The following KMO variants were observed in gnomAD, a reference collection of about 807,000 sequenced individuals.
The protein encoded by KMO is kynurenine 3-hydroxylase.
A neutral mutation model predicts 57.8 loss-of-function variants in KMO; 24 were observed. The ratio of observed to expected loss-of-function variants is 0.42; its 90% confidence interval spans 0.30 to 0.58. KMO has a LOEUF of 0.58. KMO is among the 20% of genes least tolerant of loss of function. The pLI, the probability that KMO is intolerant of heterozygous loss-of-function variation, is 0.22. For missense variants in KMO, 483 were observed against 588.2 expected (o/e 0.82, Z 1.85); for synonymous variants, 210 against 193.6 (o/e 1.08, Z -0.70).
intron 10 of KMO, among the ~76,000 whole-genome samples, chr1:241,577,034 T>C (rs1662548905): frequency 6.6e-6 from 1 of 152,146 alleles, no homozygotes; most frequent in Admixed American, 6.5e-5. Flanking sequence ...GTTGTTAAAA[T>C]GTTCCACTGC....
At chr1:241,571,642 A>T (rs927261166) in intron 10 of KMO, among the ~76,000 whole-genome samples, 5 of 152,070 alleles carry the variant, frequency 3.3e-5, no homozygotes, top group African/African-American at 1.2e-4. Flanking sequence ...ATCCTGCTTA[A>T]TCATAATGAC....
intron 5 of KMO, among the ~76,000 whole-genome samples, chr1:241,559,437 A>G (rs1661755993): frequency 1.5e-5 from 1 of 67,534 alleles, no homozygotes; most frequent in Non-Finnish European, 2.8e-5. Context: ...TATGTAAAAA[A>G]TAAACATAAT....
At position 241,594,622 on chromosome 1, in the gene KMO, G is replaced by A. The variant is rs138681461; in HGVS notation, c.*2469G>A. 4 of 1,614,006 alleles carry A rather than the reference G, an allele frequency of 2.5e-6. No homozygotes were observed. Among genetic ancestry groups the A allele is most frequent in the African/African-American group, 2.7e-5 (2 of 74,912 alleles). On this transcript the variant is annotated 3_prime_UTR_variant, in exon 15 of 15. Transcript: ENST00000366559. ...ATCTGCATTTCACTTCCAGCTGCTG[G>A]TAGGTCTTTAGCAGGCCTCTGGCAC... is the stretch of plus-strand genomic sequence containing the variant.
chr1:241,590,968 T>A (rs1048626287), intron 14 of KMO, among the ~76,000 whole-genome samples: 1 of 152,122 alleles, frequency 6.6e-6, no homozygotes, highest in African/African-American at 2.4e-5. Context: ...TGTGTGAGAA[T>A]GGTCAGAGGG....
chr1:241,567,493 C>T (rs1662128877), intron 9 of KMO, among the ~76,000 whole-genome samples: 1 of 152,156 alleles, frequency 6.6e-6, no homozygotes, highest in African/African-American at 2.4e-5. Context: ...CTCCAAATAC[C>T]ATCACATTGG....
chr1:241,534,472 G>A (rs1027764063), intron 1 of KMO, among the ~76,000 whole-genome samples: 1 of 152,200 alleles, frequency 6.6e-6, no homozygotes, highest in Non-Finnish European at 1.5e-5. Flanking sequence ...TTGCGTATTA[G>A]GGAGCAACTA....
At chr1:241,582,707 G>A (rs1409714678) in intron 10 of KMO, among the ~76,000 whole-genome samples, 4 of 152,100 alleles carry the variant, frequency 2.6e-5, no homozygotes, top group Non-Finnish European at 4.4e-5. Flanking sequence ...TGCAAGACGA[G>A]TATTTTGAAT....
intron 5 of KMO, among the ~76,000 whole-genome samples, chr1:241,556,336 A>G (rs944201479): frequency 1.3e-5 from 2 of 151,880 alleles, no homozygotes; most frequent in Admixed American, 6.6e-5. Flanking sequence ...GAGTCTTTCT[A>G]TGTTGTCCAG....
intron 10 of KMO, among the ~76,000 whole-genome samples, chr1:241,574,386 A>C (rs1215613341): frequency 6.6e-6 from 1 of 152,044 alleles, no homozygotes; most frequent in Non-Finnish European, 1.5e-5. Flanking sequence ...CCCATTCAGT[A>C]TGATGTTGGC....
intron 10 of KMO, among the ~76,000 whole-genome samples, chr1:241,569,870 T>G (rs1489766590): frequency 2.0e-5 from 3 of 152,138 alleles, no homozygotes; most frequent in Non-Finnish European, 4.4e-5. Context: ...ATAATATCAT[T>G]GTATATTTGA....
At chr1:241,552,186 G>C (rs1017792667) in intron 4 of KMO, among the ~76,000 whole-genome samples, 1 of 107,794 alleles carries the variant, frequency 9.3e-6, no homozygotes. Flanking sequence ...GAGAGAGAGA[G>C]AGAGAGAGAG....
intron 1 of KMO, among the ~76,000 whole-genome samples, chr1:241,539,389 A>AAC (rs920402236): frequency 1.3e-5 from 2 of 150,382 alleles, no homozygotes; most frequent in African/African-American, 4.9e-5. Flanking sequence ...GTCTCAAAAA[A>AAC]ATTCCAGAAA....
At position 241,594,234 on chromosome 1, in the gene KMO, C is replaced by A. The variant is rs1057200948; in HGVS notation, c.*2081C>A. ...TGGTTTTTTCATTATGTAAAGCACCCGTTGAATTAAAAGAATTTGTTTTTG... is the reference window on the plus strand; with the variant it reads ...TGGTTTTTTCATTATGTAAAGCACCAGTTGAATTAAAAGAATTTGTTTTTG... On this transcript the variant is annotated 3_prime_UTR_variant, in exon 15 of 15. Transcript: ENST00000366559. The A allele has an allele frequency of 3.7e-6, 2 of 542,384 alleles. No homozygotes were observed. The highest frequency in any genetic ancestry group is 3.8e-5 in the African/African-American group (2 of 52,204). 33.6% of individuals were successfully genotyped at this position (542,384 alleles called of 1,614,324 possible).
intron 3 of KMO, 34 bp downstream of exon 3, chr1:241,549,808 C>T (rs1661331162): frequency 5.4e-6 from 7 of 1,289,630 alleles, no homozygotes; most frequent in East Asian, 2.4e-5. Context: ...GAAGATAATA[C>T]CTGGTATTTT....
At chr1:241,588,085 G>T (rs1227438055) in intron 11 of KMO, among the ~76,000 whole-genome samples, 1 of 152,058 alleles carries the variant, frequency 6.6e-6, no homozygotes. Context: ...GTGATCTTGA[G>T]CAAATCACTT....
intron 1 of KMO, 35 bp downstream of exon 1, chr1:241,532,533 G>T (rs1553342971): frequency 4.7e-6 from 7 of 1,480,990 alleles, no homozygotes; most frequent in Admixed American, 1.9e-5. Flanking sequence ...ATTGTTGGTG[G>T]TATTATATTA....
chr1:241,583,711 TG>T (rs1298467961), intron 10 of KMO, among the ~76,000 whole-genome samples: 1 of 152,188 alleles, frequency 6.6e-6, no homozygotes. Context: ...TATTCTTTTT[TG>T]TTGCATTATT....
chr1:241,556,765 G>A (rs572334808), intron 5 of KMO, among the ~76,000 whole-genome samples: 10 of 152,114 alleles, frequency 6.6e-5, no homozygotes, highest in South Asian at 2.1e-4. Flanking sequence ...GGCACATGCC[G>A]GTAATCCCAG....
intron 5 of KMO, among the ~76,000 whole-genome samples, chr1:241,556,893 AAATAATAAT>A (rs565628211): frequency 1.3e-5 from 2 of 150,708 alleles, no homozygotes; most frequent in African/African-American, 2.4e-5. Context: ...AGTCCCAATA[AAATAATAAT>A]AATAATAATA....
Sources: allele counts gnomAD v4.1 joint callset (sites outside exome capture counted in the v4.1 genomes callset), GRCh38; gene constraint gnomAD v4.1.1; transcripts MANE v1.5; gene names NCBI Gene and HGNC (gene_info 2026-07-23, HGNC 2026-07-21).